AGBL4: variants seen among roughly 807,000 people sequenced by gnomAD.
AGBL4 encodes cytosolic carboxypeptidase 6.
In AGBL4, 58 loss-of-function variants were observed where a neutral mutation model predicts 66.4. The ratio of observed to expected loss-of-function variants is 0.87; its 90% CI spans 0.71 to 1.09. The LOEUF is 1.09. Ranked by LOEUF, AGBL4 falls within the 50% of genes least tolerant of loss-of-function variation. The pLI is 0.00. For missense variants in AGBL4, 579 were observed against 631.0 expected, an observed-to-expected ratio of 0.92 and a Z score of 0.88; for synonymous variants, 234 against 222.9, an observed-to-expected ratio of 1.05 and a Z score of -0.44.
chr1:48,573,014 A>G (rs545406949), intron 11 of AGBL4, among the ~76,000 whole-genome samples: 1 of 152,272 alleles, frequency 6.6e-6, no homozygotes. Flanking sequence ...ATCCCTACTA[A>G]CACAGGCTGG....
chr1:49,750,930 T>C (rs1353880086), intron 2 of AGBL4, among the ~76,000 whole-genome samples: 3 of 152,214 alleles, frequency 2.0e-5, no homozygotes, highest in Non-Finnish European at 2.9e-5. Flanking sequence ...TTTTTGCACA[T>C]TGATTTTGTA....
intron 2 of AGBL4, among the ~76,000 whole-genome samples, chr1:49,702,901 T>G (rs1267312701): frequency 6.6e-6 from 1 of 152,068 alleles, no homozygotes; most frequent in Non-Finnish European, 1.5e-5. Context: ...ACACATTTCA[T>G]GATAAGAATA....
chr1:49,379,717 C>T (rs1198008977), intron 3 of AGBL4, among the ~76,000 whole-genome samples: 1 of 152,060 alleles, frequency 6.6e-6, no homozygotes, highest in Non-Finnish European at 1.5e-5. Flanking sequence ...CCTTGCATCC[C>T]AGGGATGAAG....
chr1:48,761,607 G>T, intron 6 of AGBL4: 1 of 894,050 alleles, frequency 1.1e-6, no homozygotes, highest in Non-Finnish European at 1.7e-6. Flanking sequence ...CAGACTCAAG[G>T]CTGGTTCCCT....
Position 49,535,344 on chromosome 1 carries a change from CATA to C in AGBL4, c.282+161966_282+161968del, listed in dbSNP as rs549719181. Among the ~76,000 whole-genome samples, 950 of 146,392 alleles carry C rather than the reference CATA, an allele frequency of 6.5e-3. 15 individuals are homozygous for C. Among genetic ancestry groups the C allele is most frequent in the Non-Finnish European group, 7.9e-3 (527 of 66,892 alleles). On this transcript the variant is annotated intron_variant, in intron 3 of 13. Coordinates refer to ENST00000371839, the MANE Select transcript of AGBL4 (RefSeq NM_032785.4). ...TAATATAATATAATATGTAATATGA[CATA>C]ATAATATGTTATATTATTATATATT...
At chr1:49,586,185 C>T (rs918457375) in intron 3 of AGBL4, among the ~76,000 whole-genome samples, 6 of 152,076 alleles carry the variant, frequency 3.9e-5, no homozygotes, top group African/African-American at 1.4e-4. Context: ...TTAGGCATTG[C>T]TATCCCCATT....
intron 6 of AGBL4, among the ~76,000 whole-genome samples, chr1:48,717,871 G>A (rs1647078350): frequency 6.6e-6 from 1 of 152,138 alleles, no homozygotes; most frequent in South Asian, 2.1e-4. Flanking sequence ...CTGGGCTACG[G>A]TATCTTCATC....
chr1:49,948,446 AAT>A (rs1655703391), intron 1 of AGBL4, among the ~76,000 whole-genome samples: 1 of 54,656 alleles, frequency 1.8e-5, no homozygotes, highest in Non-Finnish European at 3.7e-5. Flanking sequence ...AATATATATA[AAT>A]ATATAAATAT....
chr1:48,548,212 G>C (rs1013836405), intron 11 of AGBL4, among the ~76,000 whole-genome samples: 4 of 150,864 alleles, frequency 2.7e-5, no homozygotes, highest in African/African-American at 9.7e-5. Context: ...TAAAGATAAA[G>C]AGTAGGGTAA....
At chr1:48,542,686 G>T (rs1644093661) in intron 11 of AGBL4, among the ~76,000 whole-genome samples, 1 of 152,008 alleles carries the variant, frequency 6.6e-6, no homozygotes, top group Admixed American at 6.6e-5. Context: ...TTTTGATGGG[G>T]TTGTTTTTTT....
chr1:49,095,051 G>C (rs1427818651), intron 4 of AGBL4, among the ~76,000 whole-genome samples: 1 of 152,078 alleles, frequency 6.6e-6, no homozygotes, highest in African/African-American at 2.4e-5. Flanking sequence ...CAGACAAACA[G>C]AGAGCCAAAT....
intron 5 of AGBL4, among the ~76,000 whole-genome samples, chr1:48,874,269 C>T (rs776382141): frequency 1.3e-5 from 2 of 152,128 alleles, no homozygotes; most frequent in African/African-American, 4.8e-5. Flanking sequence ...ATTCCCTCCC[C>T]CAGCCATAGT....
intron 6 of AGBL4, among the ~76,000 whole-genome samples, chr1:48,752,950 A>T: frequency 6.6e-6 from 1 of 152,004 alleles, no homozygotes; most frequent in Admixed American, 6.5e-5. Flanking sequence ...GGGTTTCACC[A>T]TGTTGGCCAG....
chr1:49,547,775 C>CT (rs376829267), intron 3 of AGBL4, among the ~76,000 whole-genome samples: 5,405 of 142,456 alleles, frequency 0.038, 124 homozygotes, highest in Non-Finnish European at 0.049. Flanking sequence ...GGGGTTGAGT[C>CT]TTTTTTTTTT....
chr1:49,877,266 G>C (rs1326529608), intron 1 of AGBL4, among the ~76,000 whole-genome samples: 2 of 150,818 alleles, frequency 1.3e-5, no homozygotes, highest in Admixed American at 6.6e-5. Context: ...TCCAGTTTTT[G>C]CCCATTCAGT....
chr1:49,745,462 T>C (rs1650912506), intron 2 of AGBL4, among the ~76,000 whole-genome samples: 1 of 152,066 alleles, frequency 6.6e-6, no homozygotes, highest in African/African-American at 2.4e-5. Context: ...TGTAAGTCTA[T>C]ATGTATAAGA....
rs150353703 is a variant in AGBL4, at chr1:49,756,887, C to A, written c.158-59450G>T. Reference sequence around the variant, plus strand: ...CCTTTATAAATTACCCAGTCTTGGGCAGTTCTTTATAGCAGCTGAGAACAA... The same window carrying A: ...CCTTTATAAATTACCCAGTCTTGGGAAGTTCTTTATAGCAGCTGAGAACAA... On this transcript the variant is annotated intron_variant, in intron 2 of 13. Transcript: ENST00000371839. Among the ~76,000 whole-genome samples the A allele has an allele frequency of 7.2e-5, 11 of 152,168 alleles. No individual in the cohort carries two copies. In the East Asian group the frequency reaches 1.7e-3, roughly 24 times the overall value.
intron 4 of AGBL4, among the ~76,000 whole-genome samples, chr1:49,176,321 T>C (rs1435143482): frequency 1.3e-5 from 2 of 152,048 alleles, no homozygotes; most frequent in Non-Finnish European, 2.9e-5. Context: ...TCTCCAAAAA[T>C]AAAACCTAGG....
At chr1:49,202,365 G>A (rs1286277404) in intron 4 of AGBL4, among the ~76,000 whole-genome samples, 1 of 152,084 alleles carries the variant, frequency 6.6e-6, no homozygotes, top group African/African-American at 2.4e-5. Context: ...CACACTTCCT[G>A]AGTGAAAAAC....
Sources: gnomAD v4.1 joint callset for allele counts (sites outside exome capture counted in the v4.1 genomes callset) on GRCh38, gnomAD v4.1.1 for gene constraint, MANE v1.5 for transcripts, NCBI Gene and HGNC (gene_info 2026-07-23, HGNC 2026-07-21) for gene names.